Variants in CDH13 observed in about 807,000 individuals in gnomAD.
The protein encoded by CDH13 is cadherin-13.
In CDH13, 24 loss-of-function variants were observed where a neutral mutation model predicts 63.8. The ratio of observed to expected loss-of-function variants is 0.38; its 90% CI spans 0.27 to 0.53. The LOEUF is 0.53. CDH13 is among the 20% of genes least tolerant of loss of function. The pLI is 0.85. For synonymous variants in CDH13, 503 were observed against 355.3 expected (o/e 1.42, Z -4.67); for missense variants, 1,049 against 903.1 (o/e 1.16, Z -2.07).
chr16:83,407,926 T>A (rs917298729), intron 6 of CDH13, among the ~76,000 whole-genome samples: 1 of 152,164 alleles, frequency 6.6e-6, no homozygotes, highest in Non-Finnish European at 1.5e-5. Flanking sequence ...GCTTCTTGAT[T>A]TCTTTGGGGG....
At chr16:83,272,213 G>T (rs77141600) in intron 5 of CDH13, among the ~76,000 whole-genome samples, 9,939 of 152,280 alleles carry the variant, frequency 0.065, 399 homozygotes, top group Middle Eastern at 0.15. Context: ...TGAGGGAGAT[G>T]GATGATAAAA....
At chr16:83,144,290 A>G (rs1162649764) in intron 4 of CDH13, among the ~76,000 whole-genome samples, 3 of 152,222 alleles carry the variant, frequency 2.0e-5, no homozygotes, top group Non-Finnish European at 2.9e-5. Flanking sequence ...ACTCTTCCAA[A>G]TAGTTGAAGT....
intron 5 of CDH13, among the ~76,000 whole-genome samples, chr16:83,271,052 A>G (rs2088791298): frequency 6.6e-6 from 1 of 151,372 alleles, no homozygotes; most frequent in Non-Finnish European, 1.5e-5. Flanking sequence ...GAACACCACC[A>G]GCTCCCTGCT....
chr16:82,774,623 ATAACT>A (rs1452129083), intron 1 of CDH13, among the ~76,000 whole-genome samples: 1 of 152,220 alleles, frequency 6.6e-6, no homozygotes, highest in Non-Finnish European at 1.5e-5. Flanking sequence ...TTTATCTGAC[ATAACT>A]TAATTCTTAC....
At chr16:82,860,700 A>G (rs186546690) in intron 2 of CDH13, among the ~76,000 whole-genome samples, 289 of 152,286 alleles carry the variant, frequency 1.9e-3, no homozygotes, top group African/African-American at 6.7e-3. Context: ...ATCTCAAAGC[A>G]ATGAACATAT....
chr16:83,221,451 C>T (rs938602906), intron 5 of CDH13, among the ~76,000 whole-genome samples: 1 of 152,140 alleles, frequency 6.6e-6, no homozygotes, highest in Non-Finnish European at 1.5e-5. Context: ...ATTTTGCCAG[C>T]ATTTGAGTGA....
chr16:83,189,417 T>C (rs1167756649), intron 4 of CDH13, among the ~76,000 whole-genome samples: 2 of 152,220 alleles, frequency 1.3e-5, no homozygotes, highest in Non-Finnish European at 2.9e-5. Flanking sequence ...TTTCTTTTTC[T>C]GATTGCCCCC....
chr16:83,389,348 G>A (rs905913387), intron 6 of CDH13, among the ~76,000 whole-genome samples: 2 of 152,038 alleles, frequency 1.3e-5, no homozygotes, highest in Non-Finnish European at 2.9e-5. Flanking sequence ...AAATGAGATC[G>A]TACCATAACG....
intron 7 of CDH13, among the ~76,000 whole-genome samples, chr16:83,503,310 T>A (rs555093359): frequency 6.6e-6 from 1 of 152,202 alleles, no homozygotes; most frequent in Admixed American, 6.5e-5. Context: ...TGAAGCTGAT[T>A]AGGAAAGCCT....
At chr16:83,211,737 C>A (rs936634030) in intron 4 of CDH13, among the ~76,000 whole-genome samples, 1 of 150,062 alleles carries the variant, frequency 6.7e-6, no homozygotes. Flanking sequence ...GACACTGGTC[C>A]CAGCTATGCG....
At chr16:83,448,401 G>A (rs1030820255) in intron 6 of CDH13, among the ~76,000 whole-genome samples, 4 of 152,172 alleles carry the variant, frequency 2.6e-5, no homozygotes, top group Non-Finnish European at 5.9e-5. Flanking sequence ...GGGTTCAGCA[G>A]TTCTGTGCAT....
chr16:83,118,734 C>A (rs886519957), intron 3 of CDH13, among the ~76,000 whole-genome samples: 1 of 152,094 alleles, frequency 6.6e-6, no homozygotes, highest in Non-Finnish European at 1.5e-5. Context: ...GGCACATTAT[C>A]CTCCTTTACA....
chr16:83,770,996 T>C (rs72487986), intron 11 of CDH13, among the ~76,000 whole-genome samples: 4,940 of 152,222 alleles, frequency 0.032, 121 homozygotes, highest in East Asian at 0.088. Flanking sequence ...GACACACTAA[T>C]GTTAGAGCAC....
intron 1 of CDH13, among the ~76,000 whole-genome samples, chr16:82,805,844 A>C (rs540144323): frequency 6.6e-6 from 1 of 152,268 alleles, no homozygotes; most frequent in East Asian, 1.9e-4. Context: ...GAAGGTATGA[A>C]TCTCCGGTTG....
intron 7 of CDH13, among the ~76,000 whole-genome samples, chr16:83,589,430 T>C (rs2015762623): frequency 6.6e-6 from 1 of 150,892 alleles, no homozygotes; most frequent in Non-Finnish European, 1.5e-5. Flanking sequence ...GACACTGATG[T>C]TTCTGCCTCC....
chr16:83,653,272 T>C (rs1345889473), intron 8 of CDH13, among the ~76,000 whole-genome samples: 2 of 152,184 alleles, frequency 1.3e-5, no homozygotes, highest in Non-Finnish European at 1.5e-5. Context: ...TCCATTCATA[T>C]GTACAATTTA....
chr16:83,722,259 C>T (rs1909795561), intron 10 of CDH13, among the ~76,000 whole-genome samples: 1 of 152,198 alleles, frequency 6.6e-6, no homozygotes, highest in Non-Finnish European at 1.5e-5. Flanking sequence ...TAATCCCAGC[C>T]TCAAACAATG....
At chr16:83,250,641 G>C (rs991729738) in intron 5 of CDH13, among the ~76,000 whole-genome samples, 1 of 152,180 alleles carries the variant, frequency 6.6e-6, no homozygotes, top group African/African-American at 2.4e-5. Flanking sequence ...TAGAGAGTTG[G>C]TCGTGGTGGT....
chr16:83,481,539 G>C (rs192861883), intron 6 of CDH13, among the ~76,000 whole-genome samples: 85 of 152,312 alleles, frequency 5.6e-4, no homozygotes, highest in African/African-American at 1.8e-3. Flanking sequence ...TTTAATGAGA[G>C]AGCTGCAGTC....
Sources: gnomAD v4.1 joint callset for allele counts (sites outside exome capture counted in the v4.1 genomes callset) on GRCh38, gnomAD v4.1.1 for gene constraint, MANE v1.5 for transcripts, NCBI Gene and HGNC (gene_info 2026-07-23, HGNC 2026-07-21) for gene names.